The following FRAS1 variants were observed in gnomAD, a reference collection of about 807,000 sequenced individuals.
FRAS1 encodes Fraser extracellular matrix complex subunit 1.
FRAS1 carries 290 observed loss-of-function variants against 435.2 expected under a neutral mutation model. The ratio of observed to expected loss-of-function variants is 0.67; its 90% CI spans 0.61 to 0.73. FRAS1 has a LOEUF of 0.73. FRAS1 is among the 30% of genes least tolerant of loss of function. The pLI is 0.00. For missense variants in FRAS1, 4,860 were observed against 5,001.5 expected, an observed-to-expected ratio of 0.97 and a Z score of 0.85; for synonymous variants, 1,800 against 1,851.0, an observed-to-expected ratio of 0.97 and a Z score of 0.71.
intron 66 of FRAS1, among the ~76,000 whole-genome samples, chr4:78,516,880 C>G (rs1035568167): frequency 3.3e-5 from 5 of 152,204 alleles, no homozygotes; most frequent in Non-Finnish European, 7.3e-5. Flanking sequence ...GATTACAATT[C>G]AAGATGAGAT....
At chr4:78,086,556 A>G (rs1741181492) in intron 2 of FRAS1, among the ~76,000 whole-genome samples, 1 of 152,220 alleles carries the variant, frequency 6.6e-6, no homozygotes, top group African/African-American at 2.4e-5. Context: ...AAAAGAGAGA[A>G]GAATCAAATA....
At chr4:78,161,257 A>G (rs1279535689) in intron 2 of FRAS1, among the ~76,000 whole-genome samples, 1 of 152,216 alleles carries the variant, frequency 6.6e-6, no homozygotes, top group Non-Finnish European at 1.5e-5. Context: ...TCAGATCTCT[A>G]ATCCATAGGT....
rs1354978266 is a variant in FRAS1, at chr4:78,427,359, A to G, written c.4712-1736A>G. 2.0e-5 allele frequency among the ~76,000 whole-genome samples: 3 copies of G among 152,220 alleles called. No individual in the cohort carries two copies. The East Asian group carries it at 5.8e-4, about 29-fold the overall frequency. On this transcript the variant is annotated intron_variant, in intron 35 of 73. Coordinates refer to ENST00000512123, the MANE Select transcript of FRAS1 (RefSeq NM_025074.7). ...GGACTTCCCAGCCTTCATATGTGAA[A>G]GAAATAAATTCCTCTTCTCATAAAT...
chr4:78,339,172 A>G (rs1234480290), intron 20 of FRAS1, among the ~76,000 whole-genome samples: 1 of 152,218 alleles, frequency 6.6e-6, no homozygotes, highest in African/African-American at 2.4e-5. Context: ...CCCATCCCTG[A>G]AAGAGAATCT....
Position 78,364,000 on chromosome 4 carries a change from T to C in FRAS1, c.2668T>C (p.Cys890Arg), listed in dbSNP as rs957872603. The C allele has an allele frequency of 2.5e-6, 4 of 1,608,916 alleles. No homozygotes were observed. The highest frequency in any genetic ancestry group is 1.7e-5 in the Admixed American group (1 of 59,278). Residue 890 changes from cysteine (C) to arginine (R), a missense_variant, in exon 22 of 74, where the codon TGC (cysteine) becomes CGC (arginine). Coordinates refer to ENST00000512123, the MANE Select transcript of FRAS1 (RefSeq NM_025074.7). ...CCTCGTGCTGTCCCACACTGGCACC[T>C]GCAGCACCACCTGCTTCCCTGGGCA... is the stretch of plus-strand genomic sequence containing the variant. Reference protein sequence around the residue: ...TNLVLSHTGTCSTTCFPGHYL... With the variant: ...TNLVLSHTGTRSTTCFPGHYL...
chr4:78,279,081 A>T (rs1306902236), intron 10 of FRAS1, among the ~76,000 whole-genome samples: 1 of 152,104 alleles, frequency 6.6e-6, no homozygotes, highest in African/African-American at 2.4e-5. Flanking sequence ...GGTGTGGGGG[A>T]TGTGTTCCTT....
intron 3 of FRAS1, among the ~76,000 whole-genome samples, chr4:78,242,890 G>T (rs1410254973): frequency 6.6e-6 from 1 of 152,072 alleles, no homozygotes; most frequent in Non-Finnish European, 1.5e-5. Context: ...ATAATCACAG[G>T]TCGTGGATTC....
At chr4:78,396,328 T>C (rs989244470) in intron 29 of FRAS1, among the ~76,000 whole-genome samples, 2 of 152,172 alleles carry the variant, frequency 1.3e-5, no homozygotes, top group African/African-American at 4.8e-5. Flanking sequence ...TTCCAGTGAG[T>C]TTTATACTTT....
At chr4:78,335,209 C>G (rs1018780562) in intron 19 of FRAS1, among the ~76,000 whole-genome samples, 1 of 152,154 alleles carries the variant, frequency 6.6e-6, no homozygotes. Flanking sequence ...CTTAAGACAA[C>G]AATTGTTATA....
At chr4:78,153,926 T>C (rs1720774492) in intron 2 of FRAS1, among the ~76,000 whole-genome samples, 1 of 152,218 alleles carries the variant, frequency 6.6e-6, no homozygotes, top group African/African-American at 2.4e-5. Flanking sequence ...TTTCAAGATG[T>C]CTCTTGCCCA....
intron 2 of FRAS1, among the ~76,000 whole-genome samples, chr4:78,232,170 G>A (rs1724543179): frequency 6.6e-6 from 1 of 152,084 alleles, no homozygotes; most frequent in South Asian, 2.1e-4. Context: ...TAATTGATTT[G>A]TAAAGATTAA....
At chr4:78,492,057 A>G (rs1720367563) in intron 59 of FRAS1, among the ~76,000 whole-genome samples, 1 of 152,216 alleles carries the variant, frequency 6.6e-6, no homozygotes, top group South Asian at 2.1e-4. Context: ...CAATTGCTAC[A>G]AAGAGAATAA....
chr4:78,252,460 C>T lies in FRAS1; in HGVS notation c.378C>T (p.Thr126=), dbSNP rs1006540708. 8.7e-6 allele frequency: 14 copies of T among 1,613,448 alleles called. No homozygotes were observed. The highest frequency in any genetic ancestry group is 1.0e-5 in the Non-Finnish European group (12 of 1,179,706). Residue 126 remains threonine (T), a synonymous_variant, in exon 5 of 74, where the codon ACC becomes ACT. Coordinates refer to ENST00000512123, the MANE Select transcript of FRAS1 (RefSeq NM_025074.7). The stretch of plus-strand genomic sequence containing the variant: ...GCAATCATGGGGAAGTCCGATGTAC[C>T]CCCCAACCATGCCCACCGCTGTCAT... ...CSCNHGEVRC[T]PQPCPPLSCG...
At chr4:78,412,357 G>A (rs1733375877) in intron 31 of FRAS1, among the ~76,000 whole-genome samples, 2 of 152,206 alleles carry the variant, frequency 1.3e-5, no homozygotes, top group South Asian at 4.1e-4. Context: ...GGGAGAAGCT[G>A]CATAGAAAAA....
Position 78,434,840 on chromosome 4 carries a change from A to G in FRAS1, c.5217+2236A>G, listed in dbSNP as rs370604283. On this transcript the variant is annotated intron_variant, in intron 38 of 73. Transcript: ENST00000512123. ...CTAAATCTAGCAAAAACCAGGCAGT[A>G]TTTTTACAGGGAAAATTATAACATT... Among the ~76,000 whole-genome samples the G allele has an allele frequency of 1.8e-4, 28 of 152,332 alleles. 1 individual carries two copies. Among genetic ancestry groups the G allele is most frequent in the East Asian group, 1.2e-3 (6 of 5,192 alleles).
At chr4:78,339,740 C>A (rs1730329738) in intron 20 of FRAS1, among the ~76,000 whole-genome samples, 1 of 152,136 alleles carries the variant, frequency 6.6e-6, no homozygotes, top group Non-Finnish European at 1.5e-5. Flanking sequence ...AGATTCAAAC[C>A]AGAGTATAGA....
chr4:78,252,682 G>T, intron 5 of FRAS1, 131 bp downstream of exon 5: 1 of 909,222 alleles, frequency 1.1e-6, no homozygotes, highest in Non-Finnish European at 1.6e-6. Flanking sequence ...CTGAGAAATA[G>T]AAAGAGTACA....
intron 2 of FRAS1, among the ~76,000 whole-genome samples, chr4:78,141,621 T>C (rs150643992): frequency 1.6e-3 from 245 of 152,208 alleles, no homozygotes; most frequent in African/African-American, 5.6e-3. Flanking sequence ...TTTAGTACAA[T>C]AATGGGGCTG....
chr4:78,289,221 C>G (rs1249269818), intron 14 of FRAS1, among the ~76,000 whole-genome samples: 4 of 150,634 alleles, frequency 2.7e-5, no homozygotes, highest in Non-Finnish European at 5.9e-5. Flanking sequence ...GCCTGAGAAT[C>G]TTACCCATAG....
Sources: allele counts gnomAD v4.1 joint callset (sites outside exome capture counted in the v4.1 genomes callset), GRCh38; gene constraint gnomAD v4.1.1; transcripts MANE v1.5; gene names NCBI Gene and HGNC (gene_info 2026-07-23, HGNC 2026-07-21).